Variants in RNF38 observed in about 807,000 individuals in gnomAD.
RNF38 encodes the protein E3 ubiquitin-protein ligase RNF38.
In RNF38, 15 loss-of-function variants were observed where a neutral mutation model predicts 67.2. That is an observed-to-expected ratio of 0.22 (90% CI 0.15 to 0.34). RNF38 has a LOEUF of 0.34. RNF38 is among the 10% of genes least tolerant of loss of function. The pLI is 1.00. For synonymous variants in RNF38, 220 were observed against 218.8 expected (o/e 1.01, Z -0.05); for missense variants, 524 against 639.9 (o/e 0.82, Z 1.95).
chr9:36,401,959 A>AG (rs1373236273), upstream of RNF38, among the ~76,000 whole-genome samples: 2 of 152,178 alleles, frequency 1.3e-5, no homozygotes, highest in African/African-American at 2.4e-5. Context: ...GGGAAATCAG[A>AG]GTAAATGTTG....
intron 1 of RNF38, among the ~76,000 whole-genome samples, chr9:36,480,874 C>A (rs1840242537): frequency 6.6e-6 from 1 of 151,732 alleles, no homozygotes. Context: ...ATTTGGTCCT[C>A]TTACTACTAC....
chr9:36,478,145 G>A (rs1041218880), intron 1 of RNF38, among the ~76,000 whole-genome samples: 2 of 152,030 alleles, frequency 1.3e-5, no homozygotes, highest in African/African-American at 4.8e-5. Context: ...GTTGATATAA[G>A]TGTTTATTAC....
intron 1 of RNF38, among the ~76,000 whole-genome samples, chr9:36,461,030 T>C (rs910206937): frequency 1.3e-5 from 2 of 151,762 alleles, no homozygotes; most frequent in Non-Finnish European, 2.9e-5. Context: ...CTGGCCAACA[T>C]GGGGGAAACC....
chr9:36,424,088 C>T (rs950566823), intron 2 of RNF38, among the ~76,000 whole-genome samples: 4 of 152,222 alleles, frequency 2.6e-5, no homozygotes, highest in Non-Finnish European at 1.5e-5. Flanking sequence ...ACATATCAGG[C>T]CCAAAGTAGA....
At chr9:36,448,796 G>A (rs191169997) in intron 1 of RNF38, among the ~76,000 whole-genome samples, 2 of 152,082 alleles carry the variant, frequency 1.3e-5, no homozygotes, top group African/African-American at 4.8e-5. Context: ...CTGAGGTCAG[G>A]AGTTTGAGAC....
chr9:36,445,282 T>C (rs1188857222), intron 1 of RNF38, among the ~76,000 whole-genome samples: 1 of 152,216 alleles, frequency 6.6e-6, no homozygotes, highest in Non-Finnish European at 1.5e-5. Context: ...AATTTGAACG[T>C]AGCAGAGAAG....
intron 5 of RNF38, among the ~76,000 whole-genome samples, chr9:36,356,875 G>C (rs913522877): frequency 1.3e-5 from 2 of 151,966 alleles, no homozygotes; most frequent in African/African-American, 4.8e-5. Flanking sequence ...TTTCTTCCTA[G>C]GATTTTCATA....
At chr9:36,414,038 A>AGGATAGCGACTCC (rs763159952) in intron 2 of RNF38, among the ~76,000 whole-genome samples, 23 of 152,280 alleles carry the variant, frequency 1.5e-4, no homozygotes, top group African/African-American at 5.3e-4. Flanking sequence ...GTCTGATATA[A>AGGATAGCGACTCC]GGATAGCGAC....
chr9:36,390,452 T>G lies in RNF38; in HGVS notation c.162+15A>C. The G allele has an allele frequency of 6.2e-7, 1 of 1,606,602 alleles. No individual in the cohort carries two copies. Among genetic ancestry groups the G allele is most frequent in the South Asian group, 1.1e-5 (1 of 90,048 alleles). ...CTTTCAGCCCTATGTAGGGAAAGGG[T>G]AAATATATAAGAACCTGGAAGAAAG... On this transcript the variant is annotated intron_variant, in intron 2 of 11. Coordinates refer to ENST00000259605, the MANE Select transcript of RNF38 (RefSeq NM_022781.5).
Position 36,439,174 on chromosome 9 carries a change from C to T in RNF38, n.242-14491G>A, listed in dbSNP as rs74434421. Among the ~76,000 whole-genome samples the T allele has an allele frequency of 9.6e-3, 1,460 of 152,230 alleles. 21 individuals carry two copies. The highest frequency in any genetic ancestry group is 0.033 in the African/African-American group (1,389 of 41,528). ...TATATTCTAGCTAATTCTAACATCA[C>T]AAGAAGTGATTTTTAAAATACAAAA... On this transcript the variant is annotated intron_variant and non_coding_transcript_variant, in intron 1 of 3. Transcript: ENST00000488058.
At chr9:36,463,718 G>C (rs1477090984) in intron 1 of RNF38, among the ~76,000 whole-genome samples, 2 of 152,166 alleles carry the variant, frequency 1.3e-5, no homozygotes, top group Non-Finnish European at 2.9e-5. Context: ...CTGGGATTAG[G>C]TAATTCTTCC....
upstream of RNF38, among the ~76,000 whole-genome samples, chr9:36,401,555 T>G (rs1470830569): frequency 2.6e-5 from 4 of 152,256 alleles, no homozygotes; most frequent in Admixed American, 1.3e-4. Flanking sequence ...TGTCCGAGGC[T>G]TCCTTAAGTG....
chr9:36,379,767 A>G (rs1275816443), intron 2 of RNF38, among the ~76,000 whole-genome samples: 1 of 152,210 alleles, frequency 6.6e-6, no homozygotes, highest in African/African-American at 2.4e-5. Context: ...CCCTAAATAG[A>G]ATCAAAATAT....
rs1199823593 is a variant in RNF38 at position 36,469,100 on chromosome 9, A to G, written n.241+18208T>C. Among the ~76,000 whole-genome samples, 5 of 152,266 alleles carry G rather than the reference A, an allele frequency of 3.3e-5. No individual in the cohort carries two copies. The East Asian group carries it at 9.7e-4, about 29-fold the overall frequency. The stretch of plus-strand genomic sequence containing the variant: ...GGACTCTGGCCTGGGCGACAGAGCA[A>G]GAGTCCATCTCAAAAAAGTAAAACC... On this transcript the variant is annotated intron_variant and non_coding_transcript_variant, in intron 1 of 3. Coordinates refer to the RNF38 transcript ENST00000488058.
At chr9:36,453,281 A>T (rs1839503713) in intron 1 of RNF38, among the ~76,000 whole-genome samples, 1 of 151,958 alleles carries the variant, frequency 6.6e-6, no homozygotes, top group African/African-American at 2.4e-5. Flanking sequence ...TGGCACAAAC[A>T]CAGCTCACTG....
intron 1 of RNF38, among the ~76,000 whole-genome samples, chr9:36,463,201 A>AT (rs1839776472): frequency 6.6e-6 from 1 of 152,158 alleles, no homozygotes; most frequent in Non-Finnish European, 1.5e-5. Flanking sequence ...TGTAAGCTTC[A>AT]TAAGAGTAGA....
chr9:36,436,111 T>C (rs1009475193), intron 1 of RNF38, among the ~76,000 whole-genome samples: 2 of 152,250 alleles, frequency 1.3e-5, no homozygotes, highest in Non-Finnish European at 2.9e-5. Flanking sequence ...GGATAGACTC[T>C]GCGTGTATAT....
Position 36,371,934 on chromosome 9 carries a change from CT to C in RNF38, c.357-2003del, listed in dbSNP as rs1292005987. ...CCAGAATGAACTCACTTTTTCTTTT[CT>C]TTTTTTTTTTTTTGAGACAGAGTCT... On this transcript the variant is annotated intron_variant, in intron 3 of 11. Transcript: ENST00000259605. Among the ~76,000 whole-genome samples, 1,005 of 140,604 alleles carry C rather than the reference CT, an allele frequency of 7.1e-3. 13 individuals are homozygous for C. Among genetic ancestry groups the C allele is most frequent in the African/African-American group, 0.021 (810 of 38,178 alleles). 92.2% of individuals were successfully genotyped at this position (140,604 alleles called of 152,430 possible). A position where few individuals can be genotyped will look rare whatever the true frequency, so the allele number is the denominator to read the frequency against.
chr9:36,341,345 C>T (rs1832810907), intron 11 of RNF38, among the ~76,000 whole-genome samples: 1 of 152,176 alleles, frequency 6.6e-6, no homozygotes, highest in African/African-American at 2.4e-5. Context: ...ATCTCTGGAA[C>T]TGTGCTCCCT....
Sources: gnomAD v4.1 joint callset for allele counts (sites outside exome capture counted in the v4.1 genomes callset) on GRCh38, gnomAD v4.1.1 for gene constraint, MANE v1.5 for transcripts, NCBI Gene and HGNC (gene_info 2026-07-23, HGNC 2026-07-21) for gene names.